ARHGAP15: variants seen among roughly 807,000 people sequenced by gnomAD.
The protein encoded by ARHGAP15 is Rho GTPase activating protein 15.
In ARHGAP15, 51 loss-of-function variants were observed where a neutral mutation model predicts 63.7. The observed-to-expected ratio is 0.80, with a 90% CI of 0.64 to 1.01. The LOEUF (loss-of-function observed/expected upper bound fraction) is 1.01. Ranked by LOEUF, ARHGAP15 falls within the 50% of genes least tolerant of loss-of-function variation. The probability of loss-of-function intolerance (pLI) is 0.00; values close to 1 mark genes in which losing one functional copy is unlikely to be tolerated. For synonymous variants in ARHGAP15, 191 were observed against 193.8 expected, an observed-to-expected ratio of 0.99 and a Z score of 0.12; for missense variants, 560 against 564.6, an observed-to-expected ratio of 0.99 and a Z score of 0.08.
At chr2:143,381,007 G>T (rs1306896694) in intron 6 of ARHGAP15, among the ~76,000 whole-genome samples, 1 of 152,128 alleles carries the variant, frequency 6.6e-6, no homozygotes, top group Admixed American at 6.6e-5. Context: ...TGAATGACAC[G>T]TTAAGAACAT....
At chr2:143,175,816 A>C (rs1690989984) in intron 2 of ARHGAP15, among the ~76,000 whole-genome samples, 1 of 152,144 alleles carries the variant, frequency 6.6e-6, no homozygotes, top group South Asian at 2.1e-4. Flanking sequence ...TGAAAACCCA[A>C]CCTAGTAGCA....
intron 9 of ARHGAP15, among the ~76,000 whole-genome samples, chr2:143,509,601 A>C (rs1693487999): frequency 6.6e-6 from 1 of 152,226 alleles, no homozygotes; most frequent in Non-Finnish European, 1.5e-5. Context: ...TAGCACTAAC[A>C]GAAGTCACCC....
At chr2:143,493,429 AC>A (rs1471969791) in intron 9 of ARHGAP15, among the ~76,000 whole-genome samples, 2 of 152,064 alleles carry the variant, frequency 1.3e-5, no homozygotes, top group Non-Finnish European at 2.9e-5. Context: ...ATTATGGGCC[AC>A]TCCAGTTATA....
intron 2 of ARHGAP15, among the ~76,000 whole-genome samples, chr2:143,186,626 T>C (rs556421667): frequency 4.6e-5 from 7 of 152,302 alleles, no homozygotes; most frequent in African/African-American, 1.7e-4. Context: ...TTTATCAGCC[T>C]TCACATTTCC....
chr2:143,200,796 G>T (rs568488679), intron 2 of ARHGAP15, among the ~76,000 whole-genome samples: 62 of 152,114 alleles, frequency 4.1e-4, no homozygotes, highest in Admixed American at 7.2e-4. Context: ...TGATTTTTGA[G>T]TATTTAAGCA....
intron 6 of ARHGAP15, among the ~76,000 whole-genome samples, chr2:143,255,991 T>C (rs533813223): frequency 2.6e-5 from 4 of 152,080 alleles, no homozygotes; most frequent in Non-Finnish European, 5.9e-5. Flanking sequence ...AACACATGGG[T>C]CTGGGGATGT....
chr2:143,506,291 C>G (rs1693318117), intron 9 of ARHGAP15, among the ~76,000 whole-genome samples: 2 of 152,236 alleles, frequency 1.3e-5, no homozygotes, highest in South Asian at 4.1e-4. Context: ...AAAGATAAAT[C>G]ATTTAGTATT....
chr2:143,179,657 G>A (rs1691149915), intron 2 of ARHGAP15, among the ~76,000 whole-genome samples: 1 of 152,182 alleles, frequency 6.6e-6, no homozygotes, highest in East Asian at 1.9e-4. Flanking sequence ...GGAGACTGAA[G>A]CAGGAGGATC....
intron 10 of ARHGAP15, among the ~76,000 whole-genome samples, chr2:143,552,343 T>A (rs1695602011): frequency 6.6e-6 from 1 of 152,208 alleles, no homozygotes; most frequent in Non-Finnish European, 1.5e-5. Context: ...TTTCAACTAT[T>A]TTTAACAGAC....
rs201677396 is a variant in ARHGAP15, at chr2:143,462,432, C to CA, written c.704-24933dup. On this transcript the variant is annotated intron_variant, in intron 8 of 13. Transcript: ENST00000295095. The stretch of plus-strand genomic sequence containing the variant: ...TAAGTCTTCTGCAATGCCATGATAG[C>CA]AAAAAAAAGGCACAAAGTTTTACTG... Among the ~76,000 whole-genome samples, 738 of 151,574 alleles carry CA rather than the reference C, an allele frequency of 4.9e-3. 7 individuals are homozygous for CA. Among genetic ancestry groups the CA allele is most frequent in the African/African-American group, 0.016 (658 of 41,350 alleles).
At chr2:143,254,997 G>A (rs938007081) in intron 6 of ARHGAP15, among the ~76,000 whole-genome samples, 2 of 152,160 alleles carry the variant, frequency 1.3e-5, no homozygotes, top group East Asian at 3.9e-4. Context: ...TTATAAGACA[G>A]CATTATTTAT....
chr2:143,671,535 A>G (rs1270305043), intron 12 of ARHGAP15, among the ~76,000 whole-genome samples: 1 of 152,132 alleles, frequency 6.6e-6, no homozygotes, highest in Non-Finnish European at 1.5e-5. Flanking sequence ...ATCTTTGCAA[A>G]ATTTTAGTGT....
At chr2:143,660,752 A>G (rs565618876) in intron 12 of ARHGAP15, among the ~76,000 whole-genome samples, 29 of 152,320 alleles carry the variant, frequency 1.9e-4, no homozygotes, top group African/African-American at 6.0e-4. Flanking sequence ...ATCTTCTCCT[A>G]ATTAATGACC....
chr2:143,644,977 T>A (rs1280227498), intron 12 of ARHGAP15, among the ~76,000 whole-genome samples: 3 of 152,110 alleles, frequency 2.0e-5, no homozygotes, highest in African/African-American at 4.8e-5. Context: ...CCCACTGCCA[T>A]ATAATTGCGA....
intron 10 of ARHGAP15, among the ~76,000 whole-genome samples, chr2:143,527,194 A>T (rs1036732824): frequency 6.6e-6 from 1 of 152,112 alleles, no homozygotes; most frequent in African/African-American, 2.4e-5. Flanking sequence ...GTCTACACAT[A>T]TATGGTAAAA....
rs549857847 is a variant in ARHGAP15, at chr2:143,550,737, G to A, written c.926-5671G>A. 3.9e-5 allele frequency among the ~76,000 whole-genome samples: 6 copies of A among 152,278 alleles called. No homozygotes were observed. The South Asian group carries it at 1.2e-3, about 32-fold the overall frequency. ...ACAAGTTAAGTCTTAACTTTTGGGAGCTCTCCTTTGTGAAACTAAATTTTA... is the reference window on the plus strand; with the variant it reads ...ACAAGTTAAGTCTTAACTTTTGGGAACTCTCCTTTGTGAAACTAAATTTTA... On this transcript the variant is annotated intron_variant, in intron 10 of 13. Transcript: ENST00000295095.
chr2:143,257,636 TTGA>T lies in ARHGAP15; in HGVS notation c.474+7041_474+7043del, dbSNP rs529072283. 2.0e-5 allele frequency among the ~76,000 whole-genome samples: 3 copies of T among 152,270 alleles called. No homozygotes were observed. In the East Asian group the frequency reaches 5.8e-4, roughly 29 times the overall value. On this transcript the variant is annotated intron_variant, in intron 6 of 13. Coordinates refer to ENST00000295095, the MANE Select transcript of ARHGAP15 (RefSeq NM_018460.4). The stretch of plus-strand genomic sequence containing the variant: ...CCTCTCATGGAACATATTCTGTTTC[TTGA>T]TGATTTGGTAGAGCTAGTGTGGTAG...
chr2:143,307,459 A>G (rs1461854765), intron 6 of ARHGAP15, among the ~76,000 whole-genome samples: 1 of 152,188 alleles, frequency 6.6e-6, no homozygotes, highest in Non-Finnish European at 1.5e-5. Context: ...GGCAATATGG[A>G]TAAGTTTTAA....
At chr2:143,505,882 G>T (rs1553491715) in intron 9 of ARHGAP15, among the ~76,000 whole-genome samples, 1 of 152,188 alleles carries the variant, frequency 6.6e-6, no homozygotes, top group Non-Finnish European at 1.5e-5. Context: ...AACCTAAAGT[G>T]CTTTCCTCTT....
Sources: gnomAD v4.1 joint callset for allele counts (sites outside exome capture counted in the v4.1 genomes callset) on GRCh38, gnomAD v4.1.1 for gene constraint, MANE v1.5 for transcripts, NCBI Gene and HGNC (gene_info 2026-07-23, HGNC 2026-07-21) for gene names.